Variants in TNKS2 observed in about 807,000 individuals in gnomAD.
The protein encoded by TNKS2 is tankyrase 2.
A neutral mutation model predicts 137.6 loss-of-function variants in TNKS2; 72 were observed. The ratio of observed to expected loss-of-function variants is 0.52; its 90% CI spans 0.43 to 0.64. The LOEUF (loss-of-function observed/expected upper bound fraction) is 0.64, where lower values mean the gene tolerates loss of function less well. Ranked by LOEUF, TNKS2 falls within the 30% of genes least tolerant of loss-of-function variation. TNKS2 has a pLI of 0.00. For synonymous variants in TNKS2, 516 were observed against 512.1 expected, an observed-to-expected ratio of 1.01 and a Z score of -0.10; for missense variants, 1,049 against 1,410.2, an observed-to-expected ratio of 0.74 and a Z score of 4.10.
intron 26 of TNKS2, 91 bp from the exon 27 acceptor site, chr10:91,862,846 T>A: frequency 1.2e-6 from 1 of 832,310 alleles, no homozygotes; most frequent in Non-Finnish European, 1.9e-6. Context: ...ATTTAGAACC[T>A]CCTCCCTAAG....
chr10:91,811,346 C>T (rs1197961648), intron 1 of TNKS2, among the ~76,000 whole-genome samples: 1 of 151,864 alleles, frequency 6.6e-6, no homozygotes, highest in Non-Finnish European at 1.5e-5. Context: ...CCTAATCATC[C>T]CTTATTTTTC....
At position 91,842,352 on chromosome 10, in the gene TNKS2, G is replaced by A. The variant is rs1842234084; in HGVS notation, c.2020G>A (p.Asp674Asn). The change falls in exon 16 of 27, where the codon GAT becomes AAT. Residue 674 changes from aspartate (D) to asparagine (N), a missense_variant. Asp to Asn is a conservative substitution (Grantham distance 23). This residue lies in a region of TNKS2 where 328 missense variants were observed against 436.0 expected (regional missense o/e 0.75). Coordinates refer to ENST00000371627, the MANE Select transcript of TNKS2 (RefSeq NM_025235.4). The part of the protein sequence containing the change: ...LSSPDNVNCR[D>N]TQGRHSTPLH... The stretch of plus-strand genomic sequence containing the variant: ...TTCTCCTGATAATGTAAATTGCCGC[G>A]ATACCCAAGGCAGACATTCAACACC... 3.7e-6 allele frequency: 6 copies of A among 1,614,090 alleles called. No homozygotes were observed. Among genetic ancestry groups the A allele is most frequent in the Non-Finnish European group, 4.2e-6 (5 of 1,179,988 alleles).
chr10:91,807,134 A>G lies in TNKS2; in HGVS notation c.200-5849A>G. 3 of 1,505,262 alleles carry G rather than the reference A, an allele frequency of 2.0e-6. No individual in the cohort carries two copies. The Admixed American group carries it at 5.1e-5, about 26-fold the overall frequency. The allele number at this position is 1,505,262 out of a possible 1,614,324, so 93.2% of individuals were successfully genotyped here. ...CCCAACACTTTCTCTAATTCAAAAG[A>G]TATTTACTTCCTAAGTACACGACAA... is the stretch of plus-strand genomic sequence containing the variant. On this transcript the variant is annotated intron_variant, in intron 1 of 26. Transcript: ENST00000371627.
chr10:91,799,422 C>G (rs957624437), intron 1 of TNKS2, among the ~76,000 whole-genome samples: 3 of 152,160 alleles, frequency 2.0e-5, no homozygotes, highest in African/African-American at 7.2e-5. Flanking sequence ...TACCAAGTTT[C>G]TGGAGTGACT....
rs1227362681 is a variant in TNKS2, at chr10:91,850,367, C to CAAA, written c.2694+788_2694+790dup. Among the ~76,000 whole-genome samples, 570 of 89,198 alleles carry CAAA rather than the reference C, an allele frequency of 6.4e-3. 6 individuals carry two copies. The highest frequency in any genetic ancestry group is 0.02 in the African/African-American group (463 of 22,984). 58.5% of individuals were successfully genotyped at this position (89,198 alleles called of 152,430 possible). ...TCGGCAACAGAGCAAGACTCGGTCTCAAAAAAAAAAAAAAAAAGAACATAT... is the reference window on the plus strand; with the variant it reads ...TCGGCAACAGAGCAAGACTCGGTCTCAAAAAAAAAAAAAAAAAAAAGAACATAT... On this transcript the variant is annotated intron_variant, in intron 20 of 26. Coordinates refer to ENST00000371627, the MANE Select transcript of TNKS2 (RefSeq NM_025235.4).
rs115899535 is a variant in TNKS2, at chr10:91,820,227, C to T, written c.728+194C>T. On this transcript the variant is annotated intron_variant, in intron 6 of 26. Transcript: ENST00000371627. The stretch of plus-strand genomic sequence containing the variant: ...CACAGCTCATAGAAGGTTTACATTA[C>T]ACTTCAGAGGGCATGAAAAGATACC... Among the ~76,000 whole-genome samples, 1,381 of 152,306 alleles carry T rather than the reference C, an allele frequency of 9.1e-3. 7 individuals are homozygous for T. The highest frequency in any genetic ancestry group is 0.024 in the Middle Eastern group (7 of 294).
chr10:91,818,804 A>G (rs1443045157), intron 3 of TNKS2, among the ~76,000 whole-genome samples: 1 of 152,194 alleles, frequency 6.6e-6, no homozygotes, highest in Non-Finnish European at 1.5e-5. Flanking sequence ...AAGTGCTGGG[A>G]TTACAGACAT....
intron 16 of TNKS2, among the ~76,000 whole-genome samples, chr10:91,844,695 G>A (rs1842313339): frequency 6.6e-6 from 1 of 152,162 alleles, no homozygotes; most frequent in Admixed American, 6.5e-5. Flanking sequence ...TTGAGGCAAG[G>A]GGGAAATGTT....
intron 3 of TNKS2, among the ~76,000 whole-genome samples, chr10:91,818,438 T>C (rs965846384): frequency 2.0e-5 from 3 of 152,226 alleles, no homozygotes; most frequent in African/African-American, 7.2e-5. Flanking sequence ...TGATTATGTT[T>C]AATCAGTGAT....
intron 1 of TNKS2, chr10:91,812,617 A>T: frequency 4.5e-6 from 1 of 222,066 alleles, no homozygotes. Context: ...TTACATATTT[A>T]AGTTTTATAC....
chr10:91,824,736 T>C (rs1034397560), intron 7 of TNKS2, among the ~76,000 whole-genome samples: 6 of 152,192 alleles, frequency 3.9e-5, no homozygotes, highest in African/African-American at 1.2e-4. Flanking sequence ...GTTGATAGAA[T>C]CAAGGCTCAA....
In TNKS2 at chr10:91,798,620, T is replaced by A; in HGVS notation, c.-71T>A. Reference sequence around the variant, plus strand: ...GCGTCTTCTCCGGGGGGCCTCGCCCTCCTGCTCGCGGGGCCGGGGCTCCTG... The same window carrying A: ...GCGTCTTCTCCGGGGGGCCTCGCCCACCTGCTCGCGGGGCCGGGGCTCCTG... On this transcript the variant is annotated 5_prime_UTR_variant, in exon 1 of 27. Transcript: ENST00000371627. 8.3e-7 allele frequency: 1 copy of A among 1,207,534 alleles called. No homozygotes were observed. Among genetic ancestry groups the A allele is most frequent in the Non-Finnish European group, 1.0e-6 (1 of 972,552 alleles). 74.8% of individuals were successfully genotyped at this position (1,207,534 alleles called of 1,614,324 possible).
At chr10:91,820,820 G>A (rs981156569) in intron 6 of TNKS2, among the ~76,000 whole-genome samples, 4 of 152,194 alleles carry the variant, frequency 2.6e-5, no homozygotes, top group Non-Finnish European at 5.9e-5. Context: ...AAATGAAAAT[G>A]AAGGCATAGA....
In TNKS2 at chr10:91,798,874, C is replaced by A; in HGVS notation, c.184C>A (p.Leu62Met). ...RDTAGRKSTP[L>M]HFAAGFGRKD... Reference sequence around the variant, plus strand: ...CACGGCGGGCAGGAAATCCACCCCGCTGCACTTCGCCGCAGGTAACCGGGG... The same window carrying A: ...CACGGCGGGCAGGAAATCCACCCCGATGCACTTCGCCGCAGGTAACCGGGG... The change falls in exon 1 of 27, where the codon CTG (leucine) becomes ATG (methionine). Residue 62 changes from leucine to methionine, a missense_variant. By Grantham distance (15) the Leu-to-Met change is conservative. Coordinates refer to ENST00000371627, the MANE Select transcript of TNKS2 (RefSeq NM_025235.4). 7.3e-7 allele frequency: 1 copy of A among 1,374,488 alleles called. No individual in the cohort carries two copies. Among genetic ancestry groups the A allele is most frequent in the Non-Finnish European group, 9.5e-7 (1 of 1,055,620 alleles). The allele number at this position is 1,374,488 out of a possible 1,614,324, so 85.1% of individuals were successfully genotyped here.
rs183462867 is a variant in TNKS2, at chr10:91,811,389, A to G, written c.200-1594A>G. Among the ~76,000 whole-genome samples the G allele has an allele frequency of 4.1e-4, 62 of 152,024 alleles. 1 individual carries two copies. Among genetic ancestry groups the G allele is most frequent in the African/African-American group, 1.4e-3 (59 of 41,470 alleles). On this transcript the variant is annotated intron_variant, in intron 1 of 26. Transcript: ENST00000371627. Reference sequence around the variant, plus strand: ...TTTCAGCTCAGGTGTCATCACTGGAATTGCCTTAGGTAAGTCTTTTCCGTT... The same window carrying G: ...TTTCAGCTCAGGTGTCATCACTGGAGTTGCCTTAGGTAAGTCTTTTCCGTT...
At chr10:91,823,101 AT>A (rs1283689928) in intron 7 of TNKS2, among the ~76,000 whole-genome samples, 2 of 151,958 alleles carry the variant, frequency 1.3e-5, no homozygotes, top group African/African-American at 4.8e-5. Context: ...TCCATAATTT[AT>A]AGCTAAAGGT....
At position 91,798,666 on chromosome 10, in the gene TNKS2, G is replaced by T; in HGVS notation, c.-25G>T. ...TCCTGCTCCGGTTGCTGGCGCTGTTGCTGGCTGTGGCGGCGGCCAGGATCA... is the reference window on the plus strand; with the variant it reads ...TCCTGCTCCGGTTGCTGGCGCTGTTTCTGGCTGTGGCGGCGGCCAGGATCA... On this transcript the variant is annotated 5_prime_UTR_variant, in exon 1 of 27. Transcript: ENST00000371627. 1 of 1,221,686 alleles carries T rather than the reference G, an allele frequency of 8.2e-7. No homozygotes were observed. 75.7% of individuals were successfully genotyped at this position (1,221,686 alleles called of 1,614,324 possible).
At chr10:91,826,679 A>G (rs1195049096) in intron 7 of TNKS2, among the ~76,000 whole-genome samples, 4 of 152,186 alleles carry the variant, frequency 2.6e-5, no homozygotes, top group African/African-American at 9.7e-5. Flanking sequence ...AGATATATAC[A>G]TTTGTCAGAA....
At chr10:91,812,003 T>G (rs958717845) in intron 1 of TNKS2, among the ~76,000 whole-genome samples, 1 of 148,078 alleles carries the variant, frequency 6.8e-6, no homozygotes, top group Non-Finnish European at 1.5e-5. Context: ...GAGCTTGCAG[T>G]GAGCCGAGAT....
Sources: allele counts gnomAD v4.1 joint callset (sites outside exome capture counted in the v4.1 genomes callset), GRCh38; gene constraint gnomAD v4.1.1; regional missense constraint gnomAD v4.1.1; transcripts MANE v1.5; gene names NCBI Gene and HGNC (gene_info 2026-07-23, HGNC 2026-07-21).